The following PLXDC2 variants were observed in gnomAD, a reference collection of about 807,000 sequenced individuals.
PLXDC2 encodes plexin domain containing 2.
Under a neutral mutation model 68.9 loss-of-function variants are expected in PLXDC2, and 40 were observed. That is an observed-to-expected ratio of 0.58 (90% CI 0.45 to 0.76). The LOEUF (loss-of-function observed/expected upper bound fraction) is 0.76, where lower values mean the gene tolerates loss of function less well. Ranked by LOEUF, PLXDC2 falls within the 30% of genes least tolerant of loss-of-function variation. The pLI, the probability that PLXDC2 is intolerant of heterozygous loss-of-function variation, is 0.00. For synonymous variants in PLXDC2, 243 were observed against 234.2 expected, an observed-to-expected ratio of 1.04 and a Z score of -0.34; for missense variants, 644 against 661.9, an observed-to-expected ratio of 0.97 and a Z score of 0.30.
chr10:19,955,203 T>A (rs1589554884), intron 1 of PLXDC2, among the ~76,000 whole-genome samples: 1 of 150,906 alleles, frequency 6.6e-6, no homozygotes, highest in Middle Eastern at 3.4e-3. Flanking sequence ...TTTTTCAATT[T>A]TTTTTTTTTT....
chr10:20,137,429 G>C (rs561017567), intron 4 of PLXDC2, among the ~76,000 whole-genome samples: 6 of 152,282 alleles, frequency 3.9e-5, no homozygotes, highest in African/African-American at 1.4e-4. Context: ...ATCGCATCGT[G>C]TGTGATTCCT....
chr10:19,995,421 A>G (rs1834827738), intron 1 of PLXDC2, among the ~76,000 whole-genome samples: 1 of 152,234 alleles, frequency 6.6e-6, no homozygotes, highest in South Asian at 2.1e-4. Flanking sequence ...TGTCTATCCC[A>G]GACGTTCATT....
chr10:20,255,191 G>GATAGATAGATAGATA (rs1554779054), intron 13 of PLXDC2, among the ~76,000 whole-genome samples: 11 of 96,812 alleles, frequency 1.1e-4, no homozygotes, highest in Non-Finnish European at 1.8e-4. Flanking sequence ...ATAGGTGGAT[G>GATAGATAGATAGATA]GATAGATAGA....
chr10:20,239,400 T>G (rs1047667979), intron 12 of PLXDC2, among the ~76,000 whole-genome samples: 1 of 152,196 alleles, frequency 6.6e-6, no homozygotes, highest in Non-Finnish European at 1.5e-5. Context: ...GAGGTTTAAT[T>G]GACTCACAGT....
rs978749727 is a variant in PLXDC2, at chr10:19,999,562, C to T, written c.113-2213C>T. Among the ~76,000 whole-genome samples the T allele has an allele frequency of 3.9e-5, 6 of 151,930 alleles. No homozygotes were observed. The South Asian group carries it at 8.3e-4, about 21-fold the overall frequency. Reference sequence around the variant, plus strand: ...TCTAGGTTGACATTCTAACAAGGATCCTGCATGGGTTTTCAGTGGTTCCTA... The same window carrying T: ...TCTAGGTTGACATTCTAACAAGGATTCTGCATGGGTTTTCAGTGGTTCCTA... On this transcript the variant is annotated intron_variant, in intron 1 of 13. Coordinates refer to ENST00000377252, the MANE Select transcript of PLXDC2 (RefSeq NM_032812.9).
Position 20,173,986 on chromosome 10 carries a change from A to C in PLXDC2, c.884-3013A>C, listed in dbSNP as rs571602190. Among the ~76,000 whole-genome samples the C allele has an allele frequency of 1.1e-4, 16 of 152,322 alleles. No individual in the cohort carries two copies. The East Asian group carries it at 3.1e-3, about 29-fold the overall frequency. On this transcript the variant is annotated intron_variant, in intron 7 of 13. Coordinates refer to ENST00000377252, the MANE Select transcript of PLXDC2 (RefSeq NM_032812.9). ...GAGCAGGTAATAGAACTAGCATAGC[A>C]AAAAATGGTCACACTTTCTCTTTAC...
intron 12 of PLXDC2, among the ~76,000 whole-genome samples, chr10:20,237,000 G>T (rs74119559): frequency 0.19 from 25,815 of 134,544 alleles, 2,259 homozygotes; most frequent in East Asian, 0.26. Flanking sequence ...ATGAGTTGTT[G>T]TTTTTTTTTT....
rs1278789438 is a variant in PLXDC2, at chr10:19,817,163, C to T, written c.84C>T (p.Ala28=). ...CHFFTDQFQF[A]DGKPGDQILD... ...TCTTCACGGACCAGTTTCAGTTCGC[C>T]GATGGGAAACCCGGAGACCAAATCC... The change falls in exon 1 of 14, where the codon GCC becomes GCT. Residue 28 remains alanine (A), a synonymous_variant. Transcript: ENST00000377252. 3 of 1,573,950 alleles carry T rather than the reference C, an allele frequency of 1.9e-6. No homozygotes were observed. Among genetic ancestry groups the T allele is most frequent in the Admixed American group, 1.8e-5 (1 of 56,082 alleles).
chr10:19,831,229 G>C (rs1836685969), intron 1 of PLXDC2, among the ~76,000 whole-genome samples: 1 of 151,798 alleles, frequency 6.6e-6, no homozygotes, highest in African/African-American at 2.4e-5. Flanking sequence ...TGGTTTTCTT[G>C]GGTGATTTTT....
intron 1 of PLXDC2, among the ~76,000 whole-genome samples, chr10:19,831,742 G>C (rs569511161): frequency 1.3e-5 from 2 of 152,258 alleles, no homozygotes; most frequent in African/African-American, 4.8e-5. Flanking sequence ...CCCTTTTCCT[G>C]CAAAGGATAT....
intron 4 of PLXDC2, among the ~76,000 whole-genome samples, chr10:20,099,195 A>G (rs964984317): frequency 7.2e-5 from 11 of 152,186 alleles, no homozygotes; most frequent in Non-Finnish European, 1.3e-4. Flanking sequence ...ATTCTGAAAT[A>G]TTTGGAAAAT....
intron 4 of PLXDC2, among the ~76,000 whole-genome samples, chr10:20,143,023 C>T (rs1215695756): frequency 2.0e-5 from 3 of 152,104 alleles, no homozygotes; most frequent in African/African-American, 2.4e-5. Flanking sequence ...CTAATAATCT[C>T]ATCCAGATAA....
At chr10:19,885,572 G>T (rs1837829140) in intron 1 of PLXDC2, among the ~76,000 whole-genome samples, 1 of 152,036 alleles carries the variant, frequency 6.6e-6, no homozygotes, top group South Asian at 2.1e-4. Flanking sequence ...TTCTACATAT[G>T]GCTAGCCAGT....
intron 1 of PLXDC2, among the ~76,000 whole-genome samples, chr10:19,921,476 A>C (rs1833461156): frequency 6.6e-6 from 1 of 152,204 alleles, no homozygotes; most frequent in Non-Finnish European, 1.5e-5. Flanking sequence ...TTTGGCAAGT[A>C]TTCTAAGAAG....
At chr10:19,942,828 C>T (rs1016055332) in intron 1 of PLXDC2, among the ~76,000 whole-genome samples, 5 of 152,084 alleles carry the variant, frequency 3.3e-5, no homozygotes, top group African/African-American at 9.7e-5. Context: ...TCAAAAAATA[C>T]TCGAAAGAAA....
At chr10:20,003,695 G>T (rs999857989) in intron 2 of PLXDC2, among the ~76,000 whole-genome samples, 5 of 152,174 alleles carry the variant, frequency 3.3e-5, no homozygotes, top group African/African-American at 4.8e-5. Flanking sequence ...GCCTCCTAAA[G>T]TGCTTGTATT....
chr10:20,045,319 C>T (rs1169693306), intron 2 of PLXDC2, among the ~76,000 whole-genome samples: 3 of 152,044 alleles, frequency 2.0e-5, no homozygotes, highest in Non-Finnish European at 4.4e-5. Context: ...TACAAGCACC[C>T]GCCACTGCAC....
intron 13 of PLXDC2, among the ~76,000 whole-genome samples, chr10:20,264,624 A>T (rs1835847901): frequency 6.6e-6 from 1 of 152,090 alleles, no homozygotes. Context: ...TACAGAAAAA[A>T]ATAATAATTT....
intron 13 of PLXDC2, 97 bp from the exon 14 acceptor site, chr10:20,279,606 A>G: frequency 2.2e-6 from 2 of 917,260 alleles, no homozygotes; most frequent in Non-Finnish European, 1.7e-6. Flanking sequence ...GTGTTAATTA[A>G]TTCAACATTT....
Sources: allele counts gnomAD v4.1 joint callset (sites outside exome capture counted in the v4.1 genomes callset), GRCh38; gene constraint gnomAD v4.1.1; transcripts MANE v1.5; gene names NCBI Gene and HGNC (gene_info 2026-07-23, HGNC 2026-07-21).